The following NEMP2 variants were observed in gnomAD, a reference collection of about 807,000 sequenced individuals.
The protein encoded by NEMP2 is UPF0571 transmembrane protein.
Under a neutral mutation model 54.2 loss-of-function variants are expected in NEMP2, and 53 were observed. That is an observed-to-expected ratio of 0.98 (90% CI 0.78 to 1.23). NEMP2 has a LOEUF of 1.23. NEMP2 is among the 50% of genes most tolerant of loss of function. NEMP2 has a pLI of 0.00. For synonymous variants in NEMP2, 197 were observed against 190.3 expected (o/e 1.04, Z -0.29); for missense variants, 455 against 511.3 (o/e 0.89, Z 1.06).
chr2:190,484,209 C>T, the NEMP2 span, among the ~76,000 whole-genome samples: 1 of 152,166 alleles, frequency 6.6e-6, no homozygotes, highest in Non-Finnish European at 1.5e-5. Context: ...GCCCTTGTTA[C>T]TGTTGTCAGT....
chr2:190,534,796 G>A (rs1384383391), upstream of NEMP2: 7 of 568,930 alleles, frequency 1.2e-5, no homozygotes, highest in Non-Finnish European at 1.6e-5. Flanking sequence ...CCGCCTCCCC[G>A]GGGCGGAGGG....
At chr2:190,436,652 TCTCA>T in the NEMP2 span, 1 of 1,614,180 alleles carries the variant, frequency 6.2e-7, no homozygotes. The surrounding 1 kb of genome is among the most constrained non-coding windows in gnomAD (Gnocchi z 5.3). Flanking sequence ...AGGCTCAATG[TCTCA>T]GACACCGTTA....
At chr2:190,574,551 C>T in the NEMP2 span, among the ~76,000 whole-genome samples, 1 of 152,096 alleles carries the variant, frequency 6.6e-6, no homozygotes, top group Non-Finnish European at 1.5e-5. Context: ...GTGTATCCAT[C>T]ATCACAATTG....
chr2:190,580,761 T>C, the NEMP2 span, among the ~76,000 whole-genome samples: 1 of 152,138 alleles, frequency 6.6e-6, no homozygotes, highest in East Asian at 1.9e-4. The surrounding 1 kb of genome is among the most constrained non-coding windows in gnomAD (Gnocchi z 5.3). Context: ...CAGACTGACA[T>C]TACCCAGGAT....
the NEMP2 span, among the ~76,000 whole-genome samples, chr2:190,640,678 A>AT: frequency 6.6e-6 from 1 of 151,870 alleles, no homozygotes; most frequent in Non-Finnish European, 1.5e-5. Context: ...TCATTGTAGG[A>AT]TATATGCATT....
At chr2:190,648,716 C>T in the NEMP2 span, among the ~76,000 whole-genome samples, 2 of 151,436 alleles carry the variant, frequency 1.3e-5, no homozygotes. Context: ...GTCCCCTCCC[C>T]GCGCCCGGAG....
At chr2:190,424,020 A>G in the NEMP2 span, among the ~76,000 whole-genome samples, 2 of 152,178 alleles carry the variant, frequency 1.3e-5, no homozygotes, top group African/African-American at 2.4e-5. This position sits in a 1 kb window ranked among gnomAD's most constrained non-coding sequence, Gnocchi z 5.9. Context: ...AATTCTTTAC[A>G]TATTCTAGAA....
chr2:190,576,770 G>C, the NEMP2 span, among the ~76,000 whole-genome samples: 1 of 152,156 alleles, frequency 6.6e-6, no homozygotes. Flanking sequence ...GACACGTGAG[G>C]CTGAATAAGG....
the NEMP2 span, among the ~76,000 whole-genome samples, chr2:190,474,926 A>T: frequency 3.9e-5 from 6 of 152,366 alleles, no homozygotes; most frequent in East Asian, 1.2e-3. Context: ...GCAAATCAAT[A>T]AATGTAATCC....
In NEMP2 at chr2:190,525,251, G is replaced by A; in HGVS notation, c.213+12C>T. 1 of 1,418,922 alleles carries A rather than the reference G, an allele frequency of 7.0e-7. No homozygotes were observed. The highest frequency in any genetic ancestry group is 9.7e-7 in the Non-Finnish European group (1 of 1,028,390). The allele number at this position is 1,418,922 out of a possible 1,614,324, so 87.9% of individuals were successfully genotyped here. A position where few individuals can be genotyped will look rare whatever the true frequency, so the allele number is the denominator to read the frequency against. On this transcript the variant is annotated intron_variant, in intron 2 of 8. Transcript: ENST00000409150. This position sits in a 1 kb window ranked among gnomAD's most constrained non-coding sequence, Gnocchi z 5.0. Reference sequence around the variant, plus strand: ...TCTGTCCCTAAGACATGAGTTAAAAGTAGGCCCTTACCTGCATAGTTGACC... The same window carrying A: ...TCTGTCCCTAAGACATGAGTTAAAAATAGGCCCTTACCTGCATAGTTGACC...
chr2:190,647,863 C>A, the NEMP2 span, among the ~76,000 whole-genome samples: 2 of 151,880 alleles, frequency 1.3e-5, no homozygotes, highest in Non-Finnish European at 2.9e-5. Context: ...GTCAGGCATG[C>A]GCCACCACGC....
At chr2:190,489,902 G>T in the NEMP2 span, 1 of 1,573,996 alleles carries the variant, frequency 6.4e-7, no homozygotes, top group African/African-American at 1.4e-5. The surrounding 1 kb of genome is among the most constrained non-coding windows in gnomAD (Gnocchi z 6.6). Context: ...ATTCCTAACA[G>T]TTCAGGCCAT....
the NEMP2 span, among the ~76,000 whole-genome samples, chr2:190,462,673 C>T: frequency 6.6e-6 from 1 of 152,036 alleles, no homozygotes; most frequent in African/African-American, 2.4e-5. This position sits in a 1 kb window ranked among gnomAD's most constrained non-coding sequence, Gnocchi z 5.7. Flanking sequence ...ACTAATTATA[C>T]CTGGAGACAT....
chr2:190,614,624 T>C, the NEMP2 span, among the ~76,000 whole-genome samples: 1 of 152,218 alleles, frequency 6.6e-6, no homozygotes, highest in East Asian at 1.9e-4. The surrounding 1 kb of genome is among the most constrained non-coding windows in gnomAD (Gnocchi z 5.7). Flanking sequence ...CCTCCCATTT[T>C]CAAGTTTACG....
chr2:190,494,931 A>T, the NEMP2 span, among the ~76,000 whole-genome samples: 1 of 152,218 alleles, frequency 6.6e-6, no homozygotes, highest in Non-Finnish European at 1.5e-5. This position sits in a 1 kb window ranked among gnomAD's most constrained non-coding sequence, Gnocchi z 5.7. Flanking sequence ...TCCCTCTGAA[A>T]ATTGGAACAA....
At chr2:190,575,387 TAAAA>T in the NEMP2 span, among the ~76,000 whole-genome samples, 1 of 151,396 alleles carries the variant, frequency 6.6e-6, no homozygotes, top group African/African-American at 2.4e-5. Flanking sequence ...TACTAAAGGT[TAAAA>T]AAAAAGTGTG....
In NEMP2 at chr2:190,510,076, T is replaced by C. The variant is rs1335569486; in HGVS notation, c.1130+285A>G. Among the ~76,000 whole-genome samples the C allele has an allele frequency of 6.6e-6, 1 of 152,104 alleles. No homozygotes were observed. The highest frequency in any genetic ancestry group is 2.4e-5 in the African/African-American group (1 of 41,410). ...AAACAAAAAAGATTTTCCCCACCAA[T>C]AGGGTGAGAAGCAGGTCACACATCC... On this transcript the variant is annotated intron_variant, in intron 8 of 8. Transcript: ENST00000409150. The surrounding 1 kb of genome is among the most constrained non-coding windows in gnomAD (Gnocchi z 5.7).
the NEMP2 span, among the ~76,000 whole-genome samples, chr2:190,429,609 C>T: frequency 6.6e-6 from 1 of 152,120 alleles, no homozygotes; most frequent in Non-Finnish European, 1.5e-5. Flanking sequence ...GCTACTGCAC[C>T]TAGCCAGAAA....
the NEMP2 span, among the ~76,000 whole-genome samples, chr2:190,480,822 C>T: frequency 2.0e-5 from 3 of 151,916 alleles, no homozygotes; most frequent in Non-Finnish European, 4.4e-5. Context: ...AGTACCTGAC[C>T]CACAGTTAGC....
Sources: allele counts gnomAD v4.1 joint callset (sites outside exome capture counted in the v4.1 genomes callset), GRCh38; gene constraint gnomAD v4.1.1; non-coding constraint Gnocchi (gnomAD v3.1); transcripts MANE v1.5; gene names NCBI Gene and HGNC (gene_info 2026-07-23, HGNC 2026-07-21).